CCDC63: variants seen among roughly 807,000 people sequenced by gnomAD.
CCDC63 encodes coiled-coil domain-containing protein 63.
A neutral mutation model predicts 63.6 loss-of-function variants in CCDC63; 54 were observed. The ratio of observed to expected loss-of-function variants is 0.85; its 90% CI spans 0.68 to 1.07. The LOEUF is 1.07. Among genes scored for constraint, CCDC63 ranks in the 50% least tolerant of loss-of-function variants. The probability of loss-of-function intolerance (pLI) is 0.00; values close to 1 mark genes in which losing one functional copy is unlikely to be tolerated. For missense variants in CCDC63, 637 were observed against 689.6 expected (o/e 0.92, Z 0.86); for synonymous variants, 253 against 266.1 (o/e 0.95, Z 0.48).
At chr12:110,902,884 ATTTTTT>A (rs71083163) in intron 10 of CCDC63, among the ~76,000 whole-genome samples, 1 of 135,484 alleles carries the variant, frequency 7.4e-6, no homozygotes, top group East Asian at 2.2e-4. Flanking sequence ...CGCCCGGCTA[ATTTTTT>A]TTTTTTTTTT....
chr12:110,881,717 C>CAA (rs71083160), intron 7 of CCDC63, among the ~76,000 whole-genome samples: 1,771 of 147,462 alleles, frequency 0.012, 39 homozygotes, highest in African/African-American at 0.042. Flanking sequence ...ATAAGACTCT[C>CAA]AAAAAAAAAA....
At chr12:110,880,523 G>A (rs2071186085) in intron 6 of CCDC63, among the ~76,000 whole-genome samples, 1 of 151,914 alleles carries the variant, frequency 6.6e-6, no homozygotes, top group Admixed American at 6.6e-5. Context: ...GGCTGTGAAG[G>A]GCGTAGCCTT....
chr12:110,845,030 A>T (rs2070623063), upstream of CCDC63, among the ~76,000 whole-genome samples: 1 of 152,170 alleles, frequency 6.6e-6, no homozygotes, highest in Non-Finnish European at 1.5e-5. Context: ...GCAAGCTGGC[A>T]TCTCACCCTG....
In CCDC63 at chr12:110,884,500, C is replaced by T. The variant is rs192300396; in HGVS notation, c.1074+250C>T. ...GCTGAAATGATCCTTGCATCTCAGC[C>T]TCCTGAGTAGCTTGGACTACAGGTG... is the stretch of plus-strand genomic sequence containing the variant. On this transcript the variant is annotated intron_variant, in intron 8 of 11. Coordinates refer to ENST00000308208, the MANE Select transcript of CCDC63 (RefSeq NM_152591.3). Among the ~76,000 whole-genome samples the T allele has an allele frequency of 5.4e-4, 82 of 152,120 alleles. 2 individuals are homozygous for T. Among genetic ancestry groups the T allele is most frequent in the Admixed American group, 5.3e-3 (81 of 15,280 alleles).
At chr12:110,867,966 C>T (rs2070997567) in intron 4 of CCDC63, among the ~76,000 whole-genome samples, 1 of 149,358 alleles carries the variant, frequency 6.7e-6, no homozygotes, top group Non-Finnish European at 1.5e-5. Context: ...GGGCTCCTCA[C>T]TTCTCAGACG....
chr12:110,879,724 C>T (rs2071173245), intron 5 of CCDC63, among the ~76,000 whole-genome samples, 182 bp from the exon 6 acceptor site: 1 of 152,150 alleles, frequency 6.6e-6, no homozygotes, highest in South Asian at 2.1e-4. Flanking sequence ...GGCCCTTAGC[C>T]AGTTGGTGGG....
At chr12:110,879,440 A>G (rs2071170777) in intron 5 of CCDC63, among the ~76,000 whole-genome samples, 2 of 152,208 alleles carry the variant, frequency 1.3e-5, no homozygotes, top group Admixed American at 1.3e-4. Flanking sequence ...ATAGCAAAGA[A>G]TCATCCAGCC....
In CCDC63 at chr12:110,871,290, C is replaced by T. The variant is rs146605577; in HGVS notation, c.370-2552C>T. 3.0e-4 allele frequency among the ~76,000 whole-genome samples: 46 copies of T among 152,180 alleles called. No individual in the cohort carries two copies. The East Asian group carries it at 8.1e-3, about 27-fold the overall frequency. On this transcript the variant is annotated intron_variant, in intron 4 of 11. Coordinates refer to ENST00000308208, the MANE Select transcript of CCDC63 (RefSeq NM_152591.3). ...CCAAGTAGCTGGGACTACTGGCGCCCGCCACCACGCCTGGCTATTTTTTTG... is the reference window on the plus strand; with the variant it reads ...CCAAGTAGCTGGGACTACTGGCGCCTGCCACCACGCCTGGCTATTTTTTTG...
intron 1 of CCDC63, among the ~76,000 whole-genome samples, chr12:110,851,132 G>A (rs2070699932): frequency 6.6e-6 from 1 of 152,136 alleles, no homozygotes; most frequent in Non-Finnish European, 1.5e-5. Context: ...AAGTACTTCA[G>A]GTATGAGAAC....
intron 1 of CCDC63, among the ~76,000 whole-genome samples, chr12:110,848,015 C>T (rs1358802021): frequency 6.6e-6 from 1 of 152,262 alleles, no homozygotes. Flanking sequence ...CCTTGCCTGA[C>T]GTCCCCTGAC....
chr12:110,892,167 G>A (rs921186645), intron 8 of CCDC63, among the ~76,000 whole-genome samples: 12 of 152,070 alleles, frequency 7.9e-5, no homozygotes, highest in African/African-American at 2.9e-4. Context: ...GTATGCTCAG[G>A]TTTGAGAACT....
At chr12:110,878,862 T>A (rs959742459) in intron 5 of CCDC63, among the ~76,000 whole-genome samples, 8 of 152,182 alleles carry the variant, frequency 5.3e-5, no homozygotes, top group Non-Finnish European at 1.0e-4. Context: ...CCATGAACAG[T>A]GTAACCAATC....
chr12:110,874,091 T>C (rs2071101160), intron 5 of CCDC63, 130 bp downstream of exon 5: 2 of 1,229,464 alleles, frequency 1.6e-6, no homozygotes, highest in Non-Finnish European at 2.2e-6. Flanking sequence ...GGTGAACTAA[T>C]GGCCACACAG....
At chr12:110,881,757 C>T (rs1215586144) in intron 7 of CCDC63, among the ~76,000 whole-genome samples, 1 of 151,904 alleles carries the variant, frequency 6.6e-6, no homozygotes, top group East Asian at 1.9e-4. Flanking sequence ...ATCAAATAAA[C>T]AATAAATAAA....
intron 11 of CCDC63, among the ~76,000 whole-genome samples, chr12:110,906,604 A>G (rs2071587733): frequency 6.6e-6 from 1 of 152,062 alleles, no homozygotes. Flanking sequence ...CAAGTGTGCC[A>G]AGGATGTAGA....
rs1434587271 is a variant in CCDC63, at chr12:110,879,890, A to G, written c.490-16A>G. On this transcript the variant is annotated splice_polypyrimidine_tract_variant and intron_variant, in intron 5 of 11. Coordinates refer to ENST00000308208, the MANE Select transcript of CCDC63 (RefSeq NM_152591.3). ...ACAGAAATGAGACCTGTTTTGAAGCATGGCCCTTTCAACAGGTCACTGTTC... is the reference window on the plus strand; with the variant it reads ...ACAGAAATGAGACCTGTTTTGAAGCGTGGCCCTTTCAACAGGTCACTGTTC... 7 of 1,612,852 alleles carry G rather than the reference A, an allele frequency of 4.3e-6. No homozygotes were observed. Among genetic ancestry groups the G allele is most frequent in the East Asian group, 2.2e-5 (1 of 44,868 alleles).
chr12:110,892,930 G>T, intron 8 of CCDC63, 146 bp from the exon 9 acceptor site: 1 of 591,290 alleles, frequency 1.7e-6, no homozygotes. Context: ...ATAACCCCAC[G>T]GGCCTAAGAG....
chr12:110,878,714 CCCTTACG>C (rs1175813628), intron 5 of CCDC63, among the ~76,000 whole-genome samples: 1 of 152,144 alleles, frequency 6.6e-6, no homozygotes, highest in African/African-American at 2.4e-5. Flanking sequence ...ACTGCAGATG[CCCTTACG>C]AGGTGGTGAT....
rs2070644450 is a variant in CCDC63 at position 110,847,002 on chromosome 12, C to T, written c.-200C>T. The T allele has an allele frequency of 6.6e-6, 1 of 152,258 alleles. No individual in the cohort carries two copies. The highest frequency in any genetic ancestry group is 2.4e-5 in the African/African-American group (1 of 41,548). The allele number at this position is 152,258 out of a possible 1,614,324, so 9.4% of individuals were successfully genotyped here. On this transcript the variant is annotated 5_prime_UTR_variant, in exon 1 of 12. Coordinates refer to ENST00000308208, the MANE Select transcript of CCDC63 (RefSeq NM_152591.3). ...GGCTGGGGGTGTGGCGCAGCGAGGC[C>T]GCGCAGCAAGCAGTCCTCCCGGCAC...
Sources: gnomAD v4.1 joint callset for allele counts (sites outside exome capture counted in the v4.1 genomes callset) on GRCh38, gnomAD v4.1.1 for gene constraint, MANE v1.5 for transcripts, NCBI Gene and HGNC (gene_info 2026-07-23, HGNC 2026-07-21) for gene names.